Variants in PLCB4 observed in about 807,000 individuals in gnomAD.
The protein encoded by PLCB4 is phospholipase C beta 4.
In PLCB4, 77 loss-of-function variants were observed where a neutral mutation model predicts 178.8. The ratio of observed to expected loss-of-function variants is 0.43; its 90% CI spans 0.36 to 0.52. The LOEUF (loss-of-function observed/expected upper bound fraction) is 0.52, where lower values mean the gene tolerates loss of function less well. Among genes scored for constraint, PLCB4 ranks in the 20% least tolerant of loss-of-function variants. The pLI, the probability that PLCB4 is intolerant of heterozygous loss-of-function variation, is 0.00. For synonymous variants in PLCB4, 496 were observed against 490.8 expected (o/e 1.01, Z -0.14); for missense variants, 1,024 against 1,453.4 (o/e 0.70, Z 4.80).
chr20:9,465,424 TTC>T (rs1163323591), intron 35 of PLCB4, among the ~76,000 whole-genome samples: 2 of 152,204 alleles, frequency 1.3e-5, no homozygotes, highest in Non-Finnish European at 2.9e-5. Flanking sequence ...GTGTTGGAAG[TTC>T]TGGCCAGGGC....
At chr20:9,281,538 G>C (rs1045447376) in intron 3 of PLCB4, among the ~76,000 whole-genome samples, 1 of 151,934 alleles carries the variant, frequency 6.6e-6, no homozygotes, top group Admixed American at 6.6e-5. Flanking sequence ...CAACTGAACT[G>C]TAAAGCAAAA....
chr20:9,373,080 C>T lies in PLCB4; in HGVS notation c.720C>T (p.Asp240=). The change falls in exon 12 of 40, where the codon GAC becomes GAT. Residue 240 remains aspartate, a synonymous_variant. Transcript: ENST00000378473. ...NGDKTDYLTV[D]QLVSFLNEHQ... is the part of the protein sequence containing the mutation. The stretch of plus-strand genomic sequence containing the variant: ...ACAAAACTGATTATTTAACGGTAGA[C>T]CAATTAGTGAGCTTTCTAAATGAAG... The T allele has an allele frequency of 6.5e-7, 1 of 1,536,168 alleles. No homozygotes were observed. Among genetic ancestry groups the T allele is most frequent in the Non-Finnish European group, 9.0e-7 (1 of 1,111,088 alleles).
rs550369997 is a variant in PLCB4, at chr20:9,183,062, A to G, written c.-78-34328A>G. ...AGGAAGAATCTGTCTGTGTCTATTA[A>G]ACTACAGGGAGAGCACCATTTGAAA... On this transcript the variant is annotated intron_variant, in intron 2 of 39. Coordinates refer to ENST00000378473, the MANE Select transcript of PLCB4 (RefSeq NM_001377142.1). Among the ~76,000 whole-genome samples the G allele has an allele frequency of 2.0e-5, 3 of 152,110 alleles. No homozygotes were observed. The South Asian group carries it at 6.2e-4, about 32-fold the overall frequency.
chr20:9,403,410 GA>G (rs2039190601), intron 20 of PLCB4, among the ~76,000 whole-genome samples: 1 of 152,086 alleles, frequency 6.6e-6, no homozygotes, highest in South Asian at 2.1e-4. Context: ...AGAAAACCAG[GA>G]AAGAGAACAG....
chr20:9,148,625 A>G (rs1053318699), intron 2 of PLCB4, among the ~76,000 whole-genome samples: 2 of 152,112 alleles, frequency 1.3e-5, no homozygotes, highest in Non-Finnish European at 2.9e-5. Flanking sequence ...TCTTTATCAA[A>G]CAGAAGATAC....
At chr20:9,206,062 T>G (rs2093610093) in intron 2 of PLCB4, among the ~76,000 whole-genome samples, 1 of 152,220 alleles carries the variant, frequency 6.6e-6, no homozygotes, top group Non-Finnish European at 1.5e-5. Flanking sequence ...GTGTTTCTAT[T>G]GGACAGCATT....
At chr20:9,075,438 CAGAAATCCG>C (rs1278519683) in intron 1 of PLCB4, among the ~76,000 whole-genome samples, 1 of 152,174 alleles carries the variant, frequency 6.6e-6, no homozygotes, top group Non-Finnish European at 1.5e-5. Context: ...AGTTGCATGC[CAGAAATCCG>C]AGATAGGGAG....
intron 17 of PLCB4, among the ~76,000 whole-genome samples, chr20:9,392,558 C>T (rs2038232869): frequency 1.3e-5 from 2 of 152,148 alleles, no homozygotes. Context: ...AGACCCTATT[C>T]TCCTTTGAAT....
intron 4 of PLCB4, 113 bp downstream of exon 4, chr20:9,308,011 T>C (rs1159827892): frequency 6.0e-6 from 3 of 500,966 alleles, no homozygotes; most frequent in Non-Finnish European, 1.0e-5. Context: ...TTAGGATTTA[T>C]AGGTTGGAGT....
chr20:9,445,555 AT>A, intron 32 of PLCB4, among the ~76,000 whole-genome samples: 1 of 152,222 alleles, frequency 6.6e-6, no homozygotes, highest in East Asian at 1.9e-4. Flanking sequence ...CCTAACACTG[AT>A]TTTTTTTAGA....
intron 2 of PLCB4, among the ~76,000 whole-genome samples, chr20:9,205,898 T>C (rs2093608645): frequency 6.6e-6 from 1 of 152,218 alleles, no homozygotes; most frequent in African/African-American, 2.4e-5. Flanking sequence ...GTTTTGTCAC[T>C]CAGCAAAATT....
intron 20 of PLCB4, among the ~76,000 whole-genome samples, chr20:9,402,411 G>A (rs1377627145): frequency 6.6e-6 from 1 of 152,196 alleles, no homozygotes; most frequent in Non-Finnish European, 1.5e-5. Flanking sequence ...GGAGTGAGAC[G>A]AGATGAGGCA....
intron 2 of PLCB4, among the ~76,000 whole-genome samples, chr20:9,127,193 C>T (rs1223661390): frequency 6.6e-6 from 1 of 152,080 alleles, no homozygotes; most frequent in Non-Finnish European, 1.5e-5. Flanking sequence ...GTGCACAAAT[C>T]ACCCGAGTAT....
intron 3 of PLCB4, among the ~76,000 whole-genome samples, chr20:9,258,379 TAA>T (rs771276240): frequency 3.9e-5 from 6 of 152,154 alleles, no homozygotes; most frequent in Non-Finnish European, 8.8e-5. Flanking sequence ...GAGAGGATGT[TAA>T]AAGAGTCCAG....
At chr20:9,285,280 A>AT (rs1262977447) in intron 3 of PLCB4, among the ~76,000 whole-genome samples, 1 of 151,938 alleles carries the variant, frequency 6.6e-6, no homozygotes, top group African/African-American at 2.4e-5. Context: ...ACATTTGTTT[A>AT]TTTTCAAGAT....
At chr20:9,339,527 C>T (rs532719536) in intron 7 of PLCB4, among the ~76,000 whole-genome samples, 4 of 152,078 alleles carry the variant, frequency 2.6e-5, no homozygotes, top group African/African-American at 9.7e-5. Context: ...TAAAAAGATA[C>T]AGGTAAAATT....
chr20:9,450,614 G>A (rs946837392), intron 32 of PLCB4, among the ~76,000 whole-genome samples: 12 of 150,648 alleles, frequency 8.0e-5, no homozygotes, highest in Non-Finnish European at 1.0e-4. Flanking sequence ...TCATGAATTC[G>A]GTTAGGCAAA....
chr20:9,440,661 T>G (rs773708837), intron 30 of PLCB4, among the ~76,000 whole-genome samples: 34 of 152,214 alleles, frequency 2.2e-4, no homozygotes, highest in South Asian at 1.7e-3. Context: ...AGATTCCACA[T>G]ATTGATGGGA....
At chr20:9,440,477 G>A (rs1000836205) in intron 30 of PLCB4, among the ~76,000 whole-genome samples, 2 of 152,184 alleles carry the variant, frequency 1.3e-5, no homozygotes, top group African/African-American at 4.8e-5. Context: ...GCTCTCTACT[G>A]AATGCATATC....
Sources: allele counts gnomAD v4.1 joint callset (sites outside exome capture counted in the v4.1 genomes callset), GRCh38; gene constraint gnomAD v4.1.1; transcripts MANE v1.5; gene names NCBI Gene and HGNC (gene_info 2026-07-23, HGNC 2026-07-21).